SART3: variants seen among roughly 807,000 people sequenced by gnomAD.
SART3 encodes the protein spliceosome associated factor 3, U4/U6 recycling protein.
Under a neutral mutation model 122.3 loss-of-function variants are expected in SART3, and 44 were observed. That is an observed-to-expected ratio of 0.36 (90% CI 0.28 to 0.46). The LOEUF is 0.46. Among genes scored for constraint, SART3 ranks in the 20% least tolerant of loss-of-function variants. SART3 has a pLI of 1.00. For synonymous variants in SART3, 442 were observed against 454.0 expected, an observed-to-expected ratio of 0.97 and a Z score of 0.34; for missense variants, 1,101 against 1,229.0, an observed-to-expected ratio of 0.90 and a Z score of 1.56.
chr12:108,525,437 C>T lies in SART3; in HGVS notation c.2523+20G>A. 6.2e-7 allele frequency: 1 copy of T among 1,613,998 alleles called. No homozygotes were observed. Among genetic ancestry groups the T allele is most frequent in the Non-Finnish European group, 8.5e-7 (1 of 1,180,018 alleles). On this transcript the variant is annotated intron_variant, in intron 17 of 18. Coordinates refer to ENST00000546815, the MANE Select transcript of SART3 (RefSeq NM_014706.4). ...TTGCCCAAGCCTTGAAGACAAGGCACAATCTGCTCTGACTCTGACCTTTGG... is the reference window on the plus strand; with the variant it reads ...TTGCCCAAGCCTTGAAGACAAGGCATAATCTGCTCTGACTCTGACCTTTGG...
Position 108,539,005 on chromosome 12 carries a change from A to G in SART3, c.991T>C (p.Leu331=). The G allele has an allele frequency of 6.2e-7, 1 of 1,614,238 alleles. No homozygotes were observed. Among genetic ancestry groups the G allele is most frequent in the African/African-American group, 1.3e-5 (1 of 75,066 alleles). ...MKIGDPARIQ[L]IFERALVENC... ...TCGACCAGGGCGCGCTCAAAGATCA[A>G]CTGAATGCGAGCAGGATCGCCAATT... Residue 331 remains leucine (L), a synonymous_variant, in exon 7 of 19, where the codon TTG becomes CTG. Coordinates refer to ENST00000546815, the MANE Select transcript of SART3 (RefSeq NM_014706.4).
intron 15 of SART3, among the ~76,000 whole-genome samples, chr12:108,529,726 G>A (rs1399106200): frequency 9.2e-5 from 14 of 152,096 alleles, no homozygotes; most frequent in Admixed American, 8.5e-4. Flanking sequence ...CCAATGCTTA[G>A]GGAGCATCAG....
chr12:108,523,995 C>T, intron 18 of SART3: 1 of 548,498 alleles, frequency 1.8e-6, no homozygotes. Flanking sequence ...TAGACTGGCA[C>T]ACACATGGGT....
At chr12:108,524,784 G>A in intron 17 of SART3, 1 of 520,350 alleles carries the variant, frequency 1.9e-6, no homozygotes, top group Non-Finnish European at 3.5e-6. Context: ...AAAGAAAGAA[G>A]GAAAAAGACA....
At chr12:108,527,014 A>G (rs7316580) in intron 15 of SART3, among the ~76,000 whole-genome samples, 12,717 of 152,278 alleles carry the variant, frequency 0.084, 651 homozygotes, top group South Asian at 0.22. Flanking sequence ...AACACTTTCA[A>G]TATGGCCTTG....
intron 6 of SART3, among the ~76,000 whole-genome samples, chr12:108,541,045 C>T (rs2374998): frequency 0.2 from 30,304 of 152,056 alleles, 3,873 homozygotes; most frequent in East Asian, 0.49. Flanking sequence ...AAAGCACAAC[C>T]AAAAGGGAAA....
rs1046224889 is a variant in SART3 at position 108,531,920 on chromosome 12, C to T, written c.1669+302G>A. 5 of 382,086 alleles carry T rather than the reference C, an allele frequency of 1.3e-5. No individual in the cohort carries two copies. In the Admixed American group the frequency reaches 1.9e-4, roughly 14 times the overall value. 23.7% of individuals were successfully genotyped at this position (382,086 alleles called of 1,614,324 possible). A position where few individuals can be genotyped will look rare whatever the true frequency, so the allele number is the denominator to read the frequency against. Reference sequence around the variant, plus strand: ...TTTGGTTGTGGTGGTGAAGCTGCTACTGGCATTTCAGGGCTAGAAGCCAGG... The same window carrying T: ...TTTGGTTGTGGTGGTGAAGCTGCTATTGGCATTTCAGGGCTAGAAGCCAGG... On this transcript the variant is annotated intron_variant, in intron 13 of 18. Coordinates refer to ENST00000546815, the MANE Select transcript of SART3 (RefSeq NM_014706.4).
rs1362204105 is a variant in SART3, at chr12:108,526,291, G to A, written c.2178C>T (p.Phe726=). ...QEPDTKLRPL[F]EACGEVVQIR... is the part of the protein sequence containing the mutation. The stretch of plus-strand genomic sequence containing the variant: ...TCTGGACCACCTCCCCACAGGCCTC[G>A]AAGAGTGGCCTGAGCTTCGTGTCCG... The change falls in exon 16 of 19, where the codon TTC becomes TTT. Residue 726 remains phenylalanine (F), a synonymous_variant. Transcript: ENST00000546815. The A allele has an allele frequency of 1.1e-5, 18 of 1,614,074 alleles. No homozygotes were observed. The highest frequency in any genetic ancestry group is 3.3e-5 in the Admixed American group (2 of 60,012).
In SART3 at chr12:108,532,370, C is replaced by G. The variant is rs748034678; in HGVS notation, c.1557-36G>C. 3.0e-5 allele frequency: 47 copies of G among 1,588,896 alleles called. 1 individual carries two copies. Among genetic ancestry groups the G allele is most frequent in the Non-Finnish European group, 3.7e-5 (43 of 1,159,404 alleles). On this transcript the variant is annotated intron_variant, in intron 12 of 18. Transcript: ENST00000546815. Reference sequence around the variant, plus strand: ...AAACAAAAAGTTGCTGCCACCAGGACACAAAGTGGAAGGCACTCGAAGGGA... The same window carrying G: ...AAACAAAAAGTTGCTGCCACCAGGAGACAAAGTGGAAGGCACTCGAAGGGA...
intron 18 of SART3, 35 bp from the exon 19 acceptor site, chr12:108,523,669 C>G: frequency 6.3e-7 from 1 of 1,591,540 alleles, no homozygotes. Context: ...CCTTTTGAAG[C>G]AACAATTCGT....
At chr12:108,546,522 CT>C (rs59151146) in intron 3 of SART3, among the ~76,000 whole-genome samples, 12,921 of 137,430 alleles carry the variant, frequency 0.094, 948 homozygotes, top group African/African-American at 0.23. Context: ...TTTTTTAATG[CT>C]TTTTTTTTTT....
chr12:108,526,906 G>T (rs1021782326), intron 15 of SART3, among the ~76,000 whole-genome samples: 1 of 152,200 alleles, frequency 6.6e-6, no homozygotes, highest in Non-Finnish European at 1.5e-5. Flanking sequence ...GTTGGGATAG[G>T]ACATGAGAAT....
intron 14 of SART3, among the ~76,000 whole-genome samples, chr12:108,530,707 A>T (rs1872642195): frequency 6.6e-6 from 1 of 152,100 alleles, no homozygotes; most frequent in Non-Finnish European, 1.5e-5. Flanking sequence ...AAATACAAAA[A>T]ATTAGCTAGG....
chr12:108,549,051 T>G, intron 2 of SART3, 37 bp downstream of exon 2: 1 of 1,613,822 alleles, frequency 6.2e-7, no homozygotes, highest in East Asian at 2.2e-5. Flanking sequence ...CAAGCCTTGT[T>G]TCTGTTTCTA....
intron 18 of SART3, chr12:108,523,903 C>G (rs1178377014): frequency 1.7e-6 from 1 of 584,138 alleles, no homozygotes; most frequent in Non-Finnish European, 3.0e-6. Context: ...TCAGACCTCA[C>G]CAGTCACCTG....
chr12:108,539,173 T>C (rs1319783132), intron 6 of SART3, 84 bp from the exon 7 acceptor site: 1 of 1,436,116 alleles, frequency 7.0e-7, no homozygotes, highest in Non-Finnish European at 9.6e-7. Flanking sequence ...TTGGCAAAAC[T>C]GGCTACAGTA....
chr12:108,536,966 G>C (rs1872935229), intron 9 of SART3, 181 bp from the exon 10 acceptor site: 3 of 647,928 alleles, frequency 4.6e-6, no homozygotes, highest in African/African-American at 3.6e-5. Flanking sequence ...AATTTGAACA[G>C]AATAGAGCAT....
Position 108,538,123 on chromosome 12 carries a change from T to C in SART3, c.1143A>G (p.Leu381=), listed in dbSNP as rs147390344. ...AIRNCPWTVA[L]WSRYLLAMER... ...CCATGGCCAAGAGGTACCGACTCCATAAGGCAACTGTCCAGGGGCAGTTTC... is the reference window on the plus strand; with the variant it reads ...CCATGGCCAAGAGGTACCGACTCCACAAGGCAACTGTCCAGGGGCAGTTTC... Residue 381 remains leucine, a synonymous_variant, in exon 8 of 19, where the codon TTA becomes TTG. Coordinates refer to ENST00000546815, the MANE Select transcript of SART3 (RefSeq NM_014706.4). The C allele has an allele frequency of 3.1e-6, 5 of 1,614,078 alleles. No individual in the cohort carries two copies. The highest frequency in any genetic ancestry group is 1.7e-5 in the Admixed American group (1 of 60,010).
At chr12:108,532,001 G>A in intron 13 of SART3, 2 of 545,496 alleles carry the variant, frequency 3.7e-6, no homozygotes, top group East Asian at 3.5e-5. Context: ...TTAGAACCCT[G>A]TGCTACAGTG....
Sources: gnomAD v4.1 joint callset for allele counts (sites outside exome capture counted in the v4.1 genomes callset) on GRCh38, gnomAD v4.1.1 for gene constraint, MANE v1.5 for transcripts, NCBI Gene and HGNC (gene_info 2026-07-23, HGNC 2026-07-21) for gene names.